Variants in QTGAL observed in about 807,000 individuals in gnomAD.
QTGAL encodes queuosine-tRNA galactosyltransferase, also known as BGnT-like protein 1.
the QTGAL span, among the ~76,000 whole-genome samples, chr17:82,968,002 C>G: frequency 6.6e-6 from 1 of 152,090 alleles, no homozygotes; most frequent in African/African-American, 2.4e-5. Context: ...TCTTACATAA[C>G]GCTGAAGGGA....
At chr17:83,040,890 C>T in the QTGAL span, among the ~76,000 whole-genome samples, 27 of 152,032 alleles carry the variant, frequency 1.8e-4, no homozygotes, top group East Asian at 1.7e-3. Context: ...ACGGTGAAAC[C>T]CCATCTCTAC....
At chr17:83,032,938 C>T in the QTGAL span, among the ~76,000 whole-genome samples, 12 of 152,154 alleles carry the variant, frequency 7.9e-5, no homozygotes, top group Admixed American at 7.9e-4. Context: ...TGTGCAGAGG[C>T]TTCTGGTGAT....
At chr17:82,958,829 T>G in the QTGAL span, among the ~76,000 whole-genome samples, 2 of 108,766 alleles carry the variant, frequency 1.8e-5, no homozygotes, top group Non-Finnish European at 3.9e-5. Flanking sequence ...TGGGGGTGTA[T>G]GGTGTGTGTG....
chr17:83,038,923 A>G, the QTGAL span, among the ~76,000 whole-genome samples: 2 of 137,730 alleles, frequency 1.5e-5, no homozygotes, highest in Non-Finnish European at 3.2e-5. Context: ...GTTTACACAC[A>G]TTACAGAAGC....
chr17:83,040,700 C>G, the QTGAL span, among the ~76,000 whole-genome samples: 1 of 152,136 alleles, frequency 6.6e-6, no homozygotes, highest in Non-Finnish European at 1.5e-5. Context: ...GAATTCTATA[C>G]CCAGCCAATC....
chr17:82,942,561 C>T, the QTGAL span: 1 of 1,554,252 alleles, frequency 6.4e-7, no homozygotes, highest in Non-Finnish European at 8.9e-7. Context: ...GTGCCTCCAG[C>T]TGTTGAAGGG....
At chr17:83,016,797 AG>A in the QTGAL span, among the ~76,000 whole-genome samples, 1 of 151,828 alleles carries the variant, frequency 6.6e-6, no homozygotes, top group African/African-American at 2.4e-5. Context: ...AAGGAGGAGG[AG>A]GAGGGCTAAA....
At chr17:82,998,085 C>G in the QTGAL span, among the ~76,000 whole-genome samples, 1 of 151,466 alleles carries the variant, frequency 6.6e-6, no homozygotes, top group African/African-American at 2.4e-5. Flanking sequence ...TAGTTTAACT[C>G]TACACTTAAA....
At chr17:82,970,541 T>TCCCCAC in the QTGAL span, among the ~76,000 whole-genome samples, 142 of 148,004 alleles carry the variant, frequency 9.6e-4, 11 homozygotes, top group East Asian at 1.4e-3. Flanking sequence ...GGCCGCGACC[T>TCCCCAC]CCGCACCCGG....
At chr17:83,051,752 G>T in the QTGAL span, 1 of 1,497,334 alleles carries the variant, frequency 6.7e-7, no homozygotes, top group Non-Finnish European at 8.8e-7. Context: ...GGGCCTGCAT[G>T]GCCTGGCTCT....
the QTGAL span, among the ~76,000 whole-genome samples, chr17:82,989,018 T>C: frequency 6.6e-6 from 1 of 152,274 alleles, no homozygotes; most frequent in East Asian, 1.9e-4. Context: ...CCCAAAGGAA[T>C]ACAGATCATT....
At chr17:83,037,317 G>A in the QTGAL span, among the ~76,000 whole-genome samples, 2 of 152,232 alleles carry the variant, frequency 1.3e-5, no homozygotes, top group Non-Finnish European at 2.9e-5. The surrounding 1 kb of genome is among the most constrained non-coding windows in gnomAD (Gnocchi z 5.2). Flanking sequence ...GGACCGCACA[G>A]CCGCACAGAA....
chr17:82,993,229 C>T, the QTGAL span, among the ~76,000 whole-genome samples: 2 of 152,032 alleles, frequency 1.3e-5, no homozygotes, highest in African/African-American at 4.8e-5. Flanking sequence ...ACAAGAAACA[C>T]ACCTGGCTTC....
chr17:82,966,083 C>CT, the QTGAL span, among the ~76,000 whole-genome samples: 3,303 of 141,088 alleles, frequency 0.023, 114 homozygotes, highest in African/African-American at 0.076. Flanking sequence ...CTGATTTTTA[C>CT]TTTTTTTTTT....
At chr17:82,957,416 G>A in the QTGAL span, 12 of 1,612,848 alleles carry the variant, frequency 7.4e-6, no homozygotes, top group Admixed American at 3.3e-5. Context: ...GCTTGCCAGC[G>A]TTCCAGATGG....
At chr17:82,968,237 G>C in the QTGAL span, among the ~76,000 whole-genome samples, 1 of 152,162 alleles carries the variant, frequency 6.6e-6, no homozygotes. Context: ...GCAGCTCCAC[G>C]CACAGCAGCC....
At chr17:82,971,449 G>A in the QTGAL span, among the ~76,000 whole-genome samples, 13 of 152,290 alleles carry the variant, frequency 8.5e-5, no homozygotes, top group South Asian at 4.1e-4. Context: ...GGGCAGCTCC[G>A]TGGCAGCGAC....
At chr17:83,027,494 T>C in the QTGAL span, among the ~76,000 whole-genome samples, 6 of 151,872 alleles carry the variant, frequency 4.0e-5, no homozygotes, top group African/African-American at 1.5e-4. Context: ...AAACAGTAAA[T>C]AAGTTGGACT....
the QTGAL span, among the ~76,000 whole-genome samples, chr17:83,023,759 C>A: frequency 6.6e-6 from 1 of 152,300 alleles, no homozygotes; most frequent in Admixed American, 6.5e-5. Flanking sequence ...CTTCCACCCC[C>A]ACGTCTCCCG....
Sources: gnomAD v4.1 joint callset for allele counts (sites outside exome capture counted in the v4.1 genomes callset) on GRCh38, gnomAD v4.1.1 for gene constraint, Gnocchi (gnomAD v3.1) non-coding constraint, MANE v1.5 for transcripts, NCBI Gene and HGNC (gene_info 2026-07-23, HGNC 2026-07-21) for gene names.